Variants in CTNNA2 observed in about 807,000 individuals in gnomAD.
CTNNA2 encodes the protein catenin alpha 2.
In CTNNA2, 42 loss-of-function variants were observed where a neutral mutation model predicts 101.0. That is an observed-to-expected ratio of 0.42 (90% CI 0.32 to 0.54). The LOEUF (loss-of-function observed/expected upper bound fraction) is 0.54, where lower values mean the gene tolerates loss of function less well. Among genes scored for constraint, CTNNA2 ranks in the 20% least tolerant of loss-of-function variants. The pLI is 0.14. For missense variants in CTNNA2, 871 were observed against 1,223.1 expected, an observed-to-expected ratio of 0.71 and a Z score of 4.29; for synonymous variants, 450 against 456.4, an observed-to-expected ratio of 0.99 and a Z score of 0.18.
chr2:80,647,253 ACCCCTTAT>A (rs1375779677), intron 18 of CTNNA2, among the ~76,000 whole-genome samples: 1 of 152,024 alleles, frequency 6.6e-6, no homozygotes, highest in Non-Finnish European at 1.5e-5. Flanking sequence ...TTGAGAGGTA[ACCCCTTAT>A]AACTTTTTTT....
At chr2:79,748,654 T>C (rs1671800135) in intron 3 of CTNNA2, among the ~76,000 whole-genome samples, 1 of 152,160 alleles carries the variant, frequency 6.6e-6, no homozygotes, top group Admixed American at 6.5e-5. Context: ...TTACCCCATC[T>C]GTCAAGATTA....
intron 7 of CTNNA2, among the ~76,000 whole-genome samples, chr2:80,073,442 GA>G (rs1256160748): frequency 1.3e-5 from 2 of 152,172 alleles, no homozygotes; most frequent in African/African-American, 4.8e-5. Flanking sequence ...TGAGTGCTCA[GA>G]AGGGTAGCAG....
chr2:79,784,856 A>C (rs1228176163), intron 3 of CTNNA2, among the ~76,000 whole-genome samples: 1 of 152,078 alleles, frequency 6.6e-6, no homozygotes, highest in African/African-American at 2.4e-5. Context: ...GCTTTTATCT[A>C]TATAAAGGAA....
chr2:80,330,899 G>A (rs1013636703), intron 7 of CTNNA2, among the ~76,000 whole-genome samples: 4 of 152,106 alleles, frequency 2.6e-5, no homozygotes, highest in Non-Finnish European at 5.9e-5. Context: ...ATTATGTCTT[G>A]TTGGGGCCCC....
chr2:79,420,506 G>A (rs1243955065), intron 4 of CTNNA2, among the ~76,000 whole-genome samples: 1 of 152,162 alleles, frequency 6.6e-6, no homozygotes, highest in Non-Finnish European at 1.5e-5. Context: ...TGACTTCTGG[G>A]CTCTGTGGTA....
chr2:79,720,688 T>C (rs1686422396), intron 2 of CTNNA2, among the ~76,000 whole-genome samples: 1 of 152,126 alleles, frequency 6.6e-6, no homozygotes, highest in South Asian at 2.1e-4. Flanking sequence ...ACTTTCAGCA[T>C]GGACACCATT....
intron 4 of CTNNA2, among the ~76,000 whole-genome samples, chr2:79,491,160 C>A (rs1411259525): frequency 6.6e-6 from 1 of 152,144 alleles, no homozygotes; most frequent in East Asian, 1.9e-4. Context: ...CTGAACTTCG[C>A]TTCTTGTAAG....
intron 7 of CTNNA2, among the ~76,000 whole-genome samples, chr2:80,111,689 G>A (rs913772622): frequency 6.6e-6 from 1 of 152,080 alleles, no homozygotes; most frequent in African/African-American, 2.4e-5. Flanking sequence ...CCACAGGCAT[G>A]CACCACCACG....
At chr2:79,872,967 A>G (rs1682706258) in intron 5 of CTNNA2, among the ~76,000 whole-genome samples, 1 of 152,248 alleles carries the variant, frequency 6.6e-6, no homozygotes, top group Non-Finnish European at 1.5e-5. Context: ...TAAAGATGGA[A>G]ATAAAGAGAC....
At chr2:79,706,320 G>A (rs1163000670) in intron 2 of CTNNA2, among the ~76,000 whole-genome samples, 3 of 134,788 alleles carry the variant, frequency 2.2e-5, no homozygotes, top group East Asian at 2.2e-4. Context: ...CCGAGATCAC[G>A]CCACTGCACT....
intron 7 of CTNNA2, among the ~76,000 whole-genome samples, chr2:80,043,352 C>T (rs750165325): frequency 6.5e-4 from 98 of 151,718 alleles, no homozygotes; most frequent in Non-Finnish European, 2.2e-4. Flanking sequence ...CACATGCCAC[C>T]GCGCCCAGCT....
At chr2:79,987,776 A>G (rs1394184656) in intron 7 of CTNNA2, among the ~76,000 whole-genome samples, 2 of 152,244 alleles carry the variant, frequency 1.3e-5, no homozygotes, top group African/African-American at 4.8e-5. Flanking sequence ...TAAAAGCTAT[A>G]TGCACCCACT....
At chr2:79,565,473 A>C (rs1675053472) in intron 1 of CTNNA2, among the ~76,000 whole-genome samples, 1 of 152,038 alleles carries the variant, frequency 6.6e-6, no homozygotes, top group Non-Finnish European at 1.5e-5. Flanking sequence ...TGGCTGTCTC[A>C]GTGAGAGCAT....
intron 2 of CTNNA2, among the ~76,000 whole-genome samples, chr2:79,225,434 C>T (rs1252097934): frequency 1.3e-5 from 2 of 152,052 alleles, no homozygotes; most frequent in Non-Finnish European, 2.9e-5. Context: ...TATATAACAT[C>T]TAAAAATATG....
chr2:80,122,099 C>G (rs574558026), intron 7 of CTNNA2, among the ~76,000 whole-genome samples: 135 of 152,294 alleles, frequency 8.9e-4, no homozygotes, highest in Non-Finnish European at 1.6e-3. Flanking sequence ...TTGATAAATT[C>G]ACAGATGGCT....
chr2:79,302,102 ATAAATAAATAAATAAG>A (rs1473180801), intron 2 of CTNNA2, among the ~76,000 whole-genome samples: 2 of 151,740 alleles, frequency 1.3e-5, no homozygotes, highest in African/African-American at 2.4e-5. Context: ...CAATAAACAA[ATAAATAAATAAATAAG>A]TAAATAAATA....
intron 4 of CTNNA2, among the ~76,000 whole-genome samples, chr2:79,414,515 T>G (rs1188048893): frequency 6.6e-6 from 1 of 152,136 alleles, no homozygotes; most frequent in African/African-American, 2.4e-5. Context: ...TATAAAATTC[T>G]ATAGTATAGA....
chr2:80,369,507 A>C (rs917879978), intron 7 of CTNNA2, among the ~76,000 whole-genome samples: 1 of 152,154 alleles, frequency 6.6e-6, no homozygotes, highest in African/African-American at 2.4e-5. Context: ...AGGCAGAAAA[A>C]TGGCTCTCAA....
intron 4 of CTNNA2, among the ~76,000 whole-genome samples, chr2:79,388,275 C>T (rs1231424769): frequency 6.6e-6 from 1 of 152,132 alleles, no homozygotes; most frequent in Non-Finnish European, 1.5e-5. Flanking sequence ...TGGAGTAGGT[C>T]ACTGTTCCAA....
Sources: allele counts gnomAD v4.1 joint callset (sites outside exome capture counted in the v4.1 genomes callset), GRCh38; gene constraint gnomAD v4.1.1; transcripts MANE v1.5; gene names NCBI Gene and HGNC (gene_info 2026-07-23, HGNC 2026-07-21).